The following RPS19BP1 variants were observed in gnomAD, a reference collection of about 807,000 sequenced individuals.
RPS19BP1 encodes the protein ribosomal protein S19 binding protein 1.
RPS19BP1 carries 14 observed loss-of-function variants against 16.6 expected under a neutral mutation model. That is an observed-to-expected ratio of 0.84 (90% CI 0.56 to 1.32). The LOEUF (loss-of-function observed/expected upper bound fraction) is 1.32. Ranked by LOEUF, RPS19BP1 falls within the 40% of genes most tolerant of loss-of-function variation. RPS19BP1 has a pLI of 0.00. For synonymous variants in RPS19BP1, 90 were observed against 77.3 expected, an observed-to-expected ratio of 1.16 and a Z score of -0.86; for missense variants, 188 against 178.6, an observed-to-expected ratio of 1.05 and a Z score of -0.30.
chr22:39,530,183 G>A, intron 2 of RPS19BP1: 1 of 472,144 alleles, frequency 2.1e-6, no homozygotes, highest in South Asian at 2.9e-5. Flanking sequence ...AGTGAGAGAT[G>A]AAGGACAAAG....
At chr22:39,532,264 G>T in intron 2 of RPS19BP1, 131 bp downstream of exon 2, 1 of 1,353,012 alleles carries the variant, frequency 7.4e-7, no homozygotes. Context: ...CCAGGGCCCC[G>T]CTCCGCGCCT....
chr22:39,532,623 T>C, intron 1 of RPS19BP1, 64 bp downstream of exon 1: 1 of 1,595,926 alleles, frequency 6.3e-7, no homozygotes, highest in East Asian at 2.3e-5. Flanking sequence ...CATCCAGGGC[T>C]CCCGCCCGCA....
Position 39,530,554 on chromosome 22 carries a change from T to G in RPS19BP1, c.182-637A>C, listed in dbSNP as rs1229707621. ...GCGTGGCCAACATGGTGAAACCCCGTCTGTATTAAAAATAACGAAAATTAG... is the reference window on the plus strand; with the variant it reads ...GCGTGGCCAACATGGTGAAACCCCGGCTGTATTAAAAATAACGAAAATTAG... On this transcript the variant is annotated intron_variant, in intron 2 of 3. Transcript: ENST00000334678. The G allele has an allele frequency of 1.4e-5, 4 of 290,414 alleles. No homozygotes were observed. In the East Asian group the frequency reaches 5.6e-4, roughly 40 times the overall value. 18.0% of individuals were successfully genotyped at this position (290,414 alleles called of 1,614,324 possible).
In RPS19BP1 at chr22:39,529,883, G is replaced by C; in HGVS notation, c.216C>G (p.Leu72=). ...TGGTCAGAAACTTCAGGTTTACTCT[G>C]AGGTGGTCTCGACACTCTCGCTTCC... is the stretch of plus-strand genomic sequence containing the variant. ...EYRKRECRDH[L]RVNLKFLTRT... The change falls in exon 3 of 4, where the codon CTC becomes CTG. Residue 72 remains leucine, a synonymous_variant. Transcript: ENST00000334678. The C allele has an allele frequency of 6.2e-7, 1 of 1,614,210 alleles. No individual in the cohort carries two copies. Among genetic ancestry groups the C allele is most frequent in the African/African-American group, 1.3e-5 (1 of 75,062 alleles).
rs1216413849 is a variant in RPS19BP1 at position 39,532,747 on chromosome 22, T to C, written c.-9A>G. 4 of 1,540,092 alleles carry C rather than the reference T, an allele frequency of 2.6e-6. No homozygotes were observed. Among genetic ancestry groups the C allele is most frequent in the Admixed American group, 4.0e-5 (2 of 50,406 alleles). On this transcript the variant is annotated 5_prime_UTR_variant, in exon 1 of 4. Transcript: ENST00000334678. Reference sequence around the variant, plus strand: ...AGCAGGGCGGCGGACATGGCGGCGCTTGGCTCCGCCCACGAGCCTCACACT... The same window carrying C: ...AGCAGGGCGGCGGACATGGCGGCGCCTGGCTCCGCCCACGAGCCTCACACT...
intron 2 of RPS19BP1, chr22:39,530,501 G>A: frequency 7.8e-6 from 2 of 255,550 alleles, no homozygotes; most frequent in Non-Finnish European, 1.6e-5. Context: ...AGGCAGGCAG[G>A]TCACCTGAGG....
chr22:39,532,517 CG>C lies in RPS19BP1; in HGVS notation c.58del (p.Arg20GlyfsTer14), dbSNP rs780792264. ...LELLAASEAPRDPPGQAKPRG... is the reference protein window; with the variant it reads ...LELLAASEAPXDPPGQAKPRG... ...CGGCTTGGCCTGACCTGGAGGGTCC[CG>C]GGGGGCTGTAGGGGAAGAGAGAGGA... On this transcript the variant is annotated frameshift_variant, in exon 2 of 4. Transcript: ENST00000334678. LOFTEE classifies it high-confidence loss of function. 1.9e-6 allele frequency: 3 copies of C among 1,613,922 alleles called. No homozygotes were observed. The highest frequency in any genetic ancestry group is 2.2e-5 in the East Asian group (1 of 44,884).
intron 2 of RPS19BP1, chr22:39,531,997 A>G (rs552245111): frequency 1.4e-4 from 29 of 207,922 alleles, no homozygotes; most frequent in Middle Eastern, 1.9e-3. Context: ...TGCACATACT[A>G]TTCTTCCTAG....
chr22:39,529,693 G>A, intron 3 of RPS19BP1, 70 bp from the exon 4 acceptor site: 2 of 1,603,562 alleles, frequency 1.2e-6, no homozygotes. Context: ...TCACAGGGGA[G>A]TTCGGCGCAG....
intron 3 of RPS19BP1, 89 bp downstream of exon 3, chr22:39,529,731 A>T: frequency 1.3e-6 from 2 of 1,596,660 alleles, no homozygotes; most frequent in South Asian, 2.2e-5. Flanking sequence ...CTCCCACCCT[A>T]TGCTCAGGGC....
At chr22:39,530,488 C>T in intron 2 of RPS19BP1, 1 of 251,144 alleles carries the variant, frequency 4.0e-6, no homozygotes, top group Non-Finnish European at 8.2e-6. Context: ...CTTTGGGAGG[C>T]CGAGGCAGGC....
chr22:39,530,092 C>T (rs911448723), intron 2 of RPS19BP1, 175 bp from the exon 3 acceptor site: 2 of 612,956 alleles, frequency 3.3e-6, no homozygotes, highest in South Asian at 1.9e-5. Context: ...AAGCCCCAGG[C>T]TCTTGGCCCC....
chr22:39,530,551 C>A, intron 2 of RPS19BP1: 1 of 288,218 alleles, frequency 3.5e-6, no homozygotes, highest in Non-Finnish European at 7.1e-6. Flanking sequence ...TGGTGAAACC[C>A]CGTCTGTATT....
intron 3 of RPS19BP1, 64 bp from the exon 4 acceptor site, chr22:39,529,687 A>G: frequency 6.2e-7 from 1 of 1,605,786 alleles, no homozygotes; most frequent in South Asian, 1.1e-5. Context: ...CAAAGGTCAC[A>G]GGGGAGTTCG....
At chr22:39,529,741 C>T in intron 3 of RPS19BP1, 79 bp downstream of exon 3, 1 of 1,597,662 alleles carries the variant, frequency 6.3e-7, no homozygotes, top group Non-Finnish European at 8.6e-7. Context: ...ATGCTCAGGG[C>T]TGAGACCGCC....
intron 2 of RPS19BP1, 175 bp downstream of exon 2, chr22:39,532,220 C>G: frequency 2.5e-6 from 2 of 787,520 alleles, no homozygotes; most frequent in Non-Finnish European, 4.0e-6. Context: ...CCACGAGGAC[C>G]AGGACGGTGG....
Position 39,532,486 on chromosome 22 carries a change from C to T in RPS19BP1, c.90G>A (p.Gly30=), listed in dbSNP as rs768249926. 6.2e-7 allele frequency: 1 copy of T among 1,614,092 alleles called. No individual in the cohort carries two copies. The highest frequency in any genetic ancestry group is 1.3e-5 in the African/African-American group (1 of 74,944). The change falls in exon 2 of 4, where the codon GGG becomes GGA. Residue 30 remains glycine, a synonymous_variant. Coordinates refer to ENST00000334678, the MANE Select transcript of RPS19BP1 (RefSeq NM_194326.4). ...TCTTCCGGGGCCGTTTCACCGGAGCCCCTCTCGGCTTGGCCTGACCTGGAG... is the reference window on the plus strand; with the variant it reads ...TCTTCCGGGGCCGTTTCACCGGAGCTCCTCTCGGCTTGGCCTGACCTGGAG... ...RDPPGQAKPR[G]APVKRPRKTK... is the part of the protein sequence containing the mutation.
At position 39,529,812 on chromosome 22, in the gene RPS19BP1, C is replaced by A. The variant is rs368148284; in HGVS notation, c.279+8G>T. 1.2e-4 allele frequency: 186 copies of A among 1,613,700 alleles called. No homozygotes were observed. The highest frequency in any genetic ancestry group is 1.5e-4 in the Non-Finnish European group (175 of 1,179,758). On this transcript the variant is annotated splice_region_variant and intron_variant, in intron 3 of 3. Coordinates refer to ENST00000334678, the MANE Select transcript of RPS19BP1 (RefSeq NM_194326.4). ...CCCAGGTCCCTTCCTATAGTACCCT[C>A]GACCAACCTGCTGGCTCACAGACTC...
chr22:39,530,983 A>G (rs1397002611), intron 2 of RPS19BP1: 1 of 152,290 alleles, frequency 6.6e-6, no homozygotes, highest in African/African-American at 2.4e-5. Context: ...GGAAGGCAGG[A>G]GACCGGCTAG....
Sources: gnomAD v4.1 joint callset for allele counts on GRCh38, gnomAD v4.1.1 for gene constraint, MANE v1.5 for transcripts, NCBI Gene and HGNC (gene_info 2026-07-23, HGNC 2026-07-21) for gene names.